The following NCMAP variants were observed in gnomAD, a reference collection of about 807,000 sequenced individuals.
NCMAP encodes the protein non-compact myelin associated protein.
Under a neutral mutation model 7.8 loss-of-function variants are expected in NCMAP, and 8 were observed. The observed-to-expected ratio is 1.02, with a 90% CI of 0.60 to 1.84. The LOEUF (loss-of-function observed/expected upper bound fraction) is 1.84. NCMAP is among the 40% of genes most tolerant of loss of function. The pLI is 0.00. For synonymous variants in NCMAP, 41 were observed against 52.9 expected (o/e 0.78, Z 0.98); for missense variants, 112 against 131.4 (o/e 0.85, Z 0.72).
chr1:24,568,814 G>A (rs944703686), intron 1 of NCMAP, among the ~76,000 whole-genome samples: 5 of 152,032 alleles, frequency 3.3e-5, no homozygotes, highest in African/African-American at 1.2e-4. Context: ...TAGAGACAGG[G>A]GTCTCGATAT....
intron 2 of NCMAP, among the ~76,000 whole-genome samples, chr1:24,595,919 G>A (rs2148935943): frequency 6.7e-6 from 1 of 150,040 alleles, no homozygotes; most frequent in South Asian, 2.1e-4. Context: ...TGACTAAAGG[G>A]GATAATCCAG....
chr1:24,586,233 A>C (rs1015349356), intron 1 of NCMAP, among the ~76,000 whole-genome samples: 2 of 152,200 alleles, frequency 1.3e-5, no homozygotes, highest in Non-Finnish European at 2.9e-5. Flanking sequence ...ATGAGCCCCG[A>C]GACAATGTGC....
At chr1:24,582,044 T>C (rs7515611) in intron 1 of NCMAP, among the ~76,000 whole-genome samples, 30,671 of 152,102 alleles carry the variant, frequency 0.2, 3,203 homozygotes, top group African/African-American at 0.23. Flanking sequence ...CAGTTGCCTC[T>C]TGAGCCCACT....
intron 1 of NCMAP, among the ~76,000 whole-genome samples, chr1:24,588,400 G>A (rs1049193162): frequency 6.6e-6 from 1 of 152,144 alleles, no homozygotes; most frequent in African/African-American, 2.4e-5. Flanking sequence ...TTGGTGGGTC[G>A]AGGGCTTTCG....
rs1652525676 is a variant in NCMAP at position 24,602,258 on chromosome 1, G to A, written c.167+1234G>A. 2.0e-5 allele frequency among the ~76,000 whole-genome samples: 3 copies of A among 152,144 alleles called. No homozygotes were observed. In the South Asian group the frequency reaches 6.2e-4, roughly 32 times the overall value. ...GGCATTGTTAGTTTTTGCTGGGAGGGGGATGTTCCTAATTTTTGAGGAATG... is the reference window on the plus strand; with the variant it reads ...GGCATTGTTAGTTTTTGCTGGGAGGAGGATGTTCCTAATTTTTGAGGAATG... On this transcript the variant is annotated intron_variant, in intron 3 of 3. Coordinates refer to ENST00000374392, the MANE Select transcript of NCMAP (RefSeq NM_001010980.5).
intron 1 of NCMAP, among the ~76,000 whole-genome samples, chr1:24,588,138 G>C (rs1376989234): frequency 6.6e-6 from 1 of 151,924 alleles, no homozygotes; most frequent in Non-Finnish European, 1.5e-5. Flanking sequence ...CTGAAGTGCA[G>C]TGGCTTGATC....
At chr1:24,575,825 A>G (rs1296346888) in intron 1 of NCMAP, among the ~76,000 whole-genome samples, 1 of 150,396 alleles carries the variant, frequency 6.6e-6, no homozygotes, top group Non-Finnish European at 1.5e-5. Context: ...TGTGCCTGTA[A>G]TTCCAGCTAC....
At chr1:24,580,180 A>G (rs1651702015) in intron 1 of NCMAP, among the ~76,000 whole-genome samples, 1 of 152,238 alleles carries the variant, frequency 6.6e-6, no homozygotes, top group Non-Finnish European at 1.5e-5. Flanking sequence ...GGGAGCCACC[A>G]GCCACGGCGG....
intron 1 of NCMAP, among the ~76,000 whole-genome samples, chr1:24,572,049 A>G (rs1024304660): frequency 1.3e-5 from 2 of 150,852 alleles, no homozygotes; most frequent in Non-Finnish European, 2.9e-5. Flanking sequence ...GACAGCACAG[A>G]TCTAGATGCT....
At chr1:24,595,587 A>C in intron 2 of NCMAP, 75 bp downstream of exon 2, 1 of 1,223,698 alleles carries the variant, frequency 8.2e-7, no homozygotes. Flanking sequence ...AGAGGTTAAG[A>C]GTGTGGGCTC....
intron 1 of NCMAP, among the ~76,000 whole-genome samples, chr1:24,581,183 T>C (rs1454605879): frequency 6.6e-6 from 1 of 151,592 alleles, no homozygotes; most frequent in Non-Finnish European, 1.5e-5. Context: ...GTGGTGCTAT[T>C]TTGGCTCACT....
At chr1:24,558,705 G>C (rs895847430) in intron 1 of NCMAP, among the ~76,000 whole-genome samples, 1 of 152,102 alleles carries the variant, frequency 6.6e-6, no homozygotes, top group African/African-American at 2.4e-5. Flanking sequence ...ACAGGGAGCG[G>C]AGCGCACTGT....
chr1:24,597,680 A>AG (rs1557602737), intron 2 of NCMAP, among the ~76,000 whole-genome samples: 19 of 107,180 alleles, frequency 1.8e-4, no homozygotes, highest in Non-Finnish European at 3.0e-4. Flanking sequence ...AGAAAAGAAA[A>AG]AGAAAGAAAG....
chr1:24,588,103 A>C (rs992663206), intron 1 of NCMAP, among the ~76,000 whole-genome samples: 4 of 151,802 alleles, frequency 2.6e-5, no homozygotes, highest in Admixed American at 6.6e-5. Context: ...ATTTTTTGAG[A>C]TGGTATCTTG....
intron 2 of NCMAP, among the ~76,000 whole-genome samples, chr1:24,598,365 G>A (rs1570538794): frequency 6.6e-6 from 1 of 152,114 alleles, no homozygotes; most frequent in Non-Finnish European, 1.5e-5. Context: ...CAGTATCCTA[G>A]AGGTCGTGGT....
At chr1:24,588,661 G>A (rs1651956900) in intron 1 of NCMAP, among the ~76,000 whole-genome samples, 1 of 152,174 alleles carries the variant, frequency 6.6e-6, no homozygotes, top group Non-Finnish European at 1.5e-5. Flanking sequence ...AAATGGTTAT[G>A]ACCTGCCATC....
At chr1:24,580,077 C>A (rs1312410320) in intron 1 of NCMAP, among the ~76,000 whole-genome samples, 1 of 152,136 alleles carries the variant, frequency 6.6e-6, no homozygotes. Context: ...CCAGAGCTGC[C>A]GGTGCTGCTG....
chr1:24,573,029 G>A (rs1367566708), intron 1 of NCMAP, among the ~76,000 whole-genome samples: 2 of 150,486 alleles, frequency 1.3e-5, no homozygotes, highest in African/African-American at 5.0e-5. Context: ...GCACCCAGAA[G>A]GAGCAACCAT....
At chr1:24,563,425 G>A (rs1365977455) in intron 1 of NCMAP, among the ~76,000 whole-genome samples, 1 of 152,062 alleles carries the variant, frequency 6.6e-6, no homozygotes, top group Non-Finnish European at 1.5e-5. Flanking sequence ...AGGAGGCTGA[G>A]GCAGGAGAAT....
Sources: allele counts gnomAD v4.1 joint callset (sites outside exome capture counted in the v4.1 genomes callset), GRCh38; gene constraint gnomAD v4.1.1; transcripts MANE v1.5; gene names NCBI Gene and HGNC (gene_info 2026-07-23, HGNC 2026-07-21).